PRRG1: variants seen among roughly 807,000 people sequenced by gnomAD.
PRRG1 encodes the protein proline rich and Gla domain 1.
PRRG1 carries 5 observed loss-of-function variants against 11.8 expected under a neutral mutation model. That is an observed-to-expected ratio of 0.42 (90% CI 0.22 to 0.89). The LOEUF is 0.89. PRRG1 is among the 40% of genes least tolerant of loss of function. The pLI is 0.28. For synonymous variants in PRRG1, 66 were observed against 60.4 expected (o/e 1.09, Z -0.43); for missense variants, 155 against 166.1 (o/e 0.93, Z 0.37).
At chrX:37,372,464 C>T (rs1159488084) in intron 1 of PRRG1, among the ~76,000 whole-genome samples, 2 of 111,518 alleles carry the variant, frequency 1.8e-5, no homozygotes, top group African/African-American at 6.5e-5. Context: ...CCACCATGCC[C>T]AGCTAATTTT....
chrX:37,449,933 G>C (rs940920430), intron 3 of PRRG1, among the ~76,000 whole-genome samples: 1 of 112,356 alleles, frequency 8.9e-6, no homozygotes, highest in Non-Finnish European at 1.9e-5. Context: ...GAAATTACTT[G>C]TTTGAATGAT....
rs782058436 is a variant in PRRG1, at chrX:37,363,433, G to T, written c.-42+14038G>T. Among the ~76,000 whole-genome samples, 13 of 112,294 alleles carry T rather than the reference G, an allele frequency of 1.2e-4. 1 individual carries two copies. Among genetic ancestry groups the T allele is most frequent in the African/African-American group, 3.9e-4 (12 of 30,872 alleles). ...TAGTGCTTGATGAATATTAACTAAA[G>T]GAATGAGAGGAGACTCTAAATTTGT... On this transcript the variant is annotated intron_variant, in intron 1 of 3. Transcript: ENST00000378628.
chrX:37,383,921 T>G (rs1308118031), intron 1 of PRRG1, among the ~76,000 whole-genome samples: 1 of 110,562 alleles, frequency 9.0e-6, no homozygotes, highest in Non-Finnish European at 1.9e-5. Flanking sequence ...ATTAACTTTT[T>G]AAACTGATTG....
rs1921244803 is a variant in PRRG1 at position 37,453,648 on chromosome X, C to T, written c.*27C>T. 2 of 1,134,426 alleles carry T rather than the reference C, an allele frequency of 1.8e-6. No homozygotes were observed. The highest frequency in any genetic ancestry group is 2.2e-5 in the South Asian group (1 of 44,857). The allele number at this position is 1,134,426 out of a possible 1,213,427, so 93.5% of individuals were successfully genotyped here. A position where few individuals can be genotyped will look rare whatever the true frequency, so the allele number is the denominator to read the frequency against. ...GCTGCAAACTTCTTTTTACTCTAAT[C>T]ATTTTTAAAATACTAATGGAAGAAC... On this transcript the variant is annotated 3_prime_UTR_variant, in exon 4 of 4. Transcript: ENST00000378628.
chrX:37,382,677 A>G (rs782114869), intron 1 of PRRG1, among the ~76,000 whole-genome samples: 2 of 107,710 alleles, frequency 1.9e-5, no homozygotes, highest in Admixed American at 2.0e-4. Context: ...CTGGAATAAC[A>G]TATGAGCTCA....
chrX:37,411,183 T>C lies in PRRG1; in HGVS notation c.10+4924T>C, dbSNP rs1377425466. On this transcript the variant is annotated intron_variant, in intron 2 of 3. Transcript: ENST00000378628. ...AAATACAGTATGTAAACATAGCATTTACATTGTATTAGGTTTTATAAGTAA... is the reference window on the plus strand; with the variant it reads ...AAATACAGTATGTAAACATAGCATTCACATTGTATTAGGTTTTATAAGTAA... Among the ~76,000 whole-genome samples, 4 of 111,968 alleles carry C rather than the reference T, an allele frequency of 3.6e-5. No individual in the cohort carries two copies. In the Admixed American group the frequency reaches 3.8e-4, roughly 11 times the overall value.
At chrX:37,426,573 C>A (rs1932776922) in intron 3 of PRRG1, among the ~76,000 whole-genome samples, 1 of 111,371 alleles carries the variant, frequency 9.0e-6, no homozygotes, top group Admixed American at 9.6e-5. Context: ...AAGATTCAGT[C>A]CTGGGCAGCA....
intron 1 of PRRG1, among the ~76,000 whole-genome samples, chrX:37,351,174 A>G (rs927042493): frequency 5.4e-5 from 6 of 111,756 alleles, no homozygotes; most frequent in Non-Finnish European, 1.1e-4. Context: ...ACTTACAGAT[A>G]TATATTAATA....
intron 1 of PRRG1, among the ~76,000 whole-genome samples, chrX:37,376,332 T>A (rs1930938859): frequency 9.5e-6 from 1 of 105,404 alleles, no homozygotes; most frequent in Admixed American, 1.0e-4. Flanking sequence ...ATCTTAGATA[T>A]TATGAATGCT....
At chrX:37,429,109 T>C (rs1438293716) in intron 3 of PRRG1, among the ~76,000 whole-genome samples, 1 of 111,993 alleles carries the variant, frequency 8.9e-6, no homozygotes, top group Non-Finnish European at 1.9e-5. Context: ...ATTTTTTCCT[T>C]CTGGACTTCC....
At chrX:37,400,361 G>A (rs375502572) in intron 1 of PRRG1, among the ~76,000 whole-genome samples, 29 of 109,245 alleles carry the variant, frequency 2.7e-4, no homozygotes, top group East Asian at 1.7e-3. Context: ...TGGAAACTGA[G>A]CAACCTGCTC....
chrX:37,359,095 C>T (rs1018921698), intron 1 of PRRG1, among the ~76,000 whole-genome samples: 3 of 111,670 alleles, frequency 2.7e-5, no homozygotes, highest in Non-Finnish European at 5.7e-5. Context: ...AGTTTTATTT[C>T]TTCCTTCCCA....
chrX:37,446,732 T>C (rs1346841822), intron 3 of PRRG1, among the ~76,000 whole-genome samples: 1 of 111,817 alleles, frequency 8.9e-6, no homozygotes, highest in Non-Finnish European at 1.9e-5. Context: ...ATGGGGCTAG[T>C]ATCTGCTCAG....
chrX:37,371,258 C>A (rs1300897714), intron 1 of PRRG1, among the ~76,000 whole-genome samples: 1 of 112,014 alleles, frequency 8.9e-6, no homozygotes, highest in Non-Finnish European at 1.9e-5. Context: ...TCCAGGGTGT[C>A]CTCTCTGCTG....
chrX:37,409,495 G>A (rs1339645296), intron 2 of PRRG1, among the ~76,000 whole-genome samples: 1 of 112,462 alleles, frequency 8.9e-6, no homozygotes. Flanking sequence ...TGAGATAAGG[G>A]AAGTGCTTCA....
Position 37,454,734 on chromosome X carries a change from C to G in PRRG1, c.*1113C>G, listed in dbSNP as rs1291737426. On this transcript the variant is annotated 3_prime_UTR_variant, in exon 4 of 4. Coordinates refer to ENST00000378628, the MANE Select transcript of PRRG1 (RefSeq NM_001142395.2). ...TGCAAAGTCCATGTTATGCTAGGTG[C>G]ACAATAAATCTAGTAATAGCCCCAC... 2.7e-5 allele frequency: 3 copies of G among 111,722 alleles called. No homozygotes were observed. Among genetic ancestry groups the G allele is most frequent in the African/African-American group, 9.8e-5 (3 of 30,657 alleles). The allele number at this position is 111,722 out of a possible 1,213,427, so 9.2% of individuals were successfully genotyped here.
intron 1 of PRRG1, among the ~76,000 whole-genome samples, chrX:37,397,309 A>G (rs782413971): frequency 1.6e-4 from 18 of 112,744 alleles, no homozygotes; most frequent in African/African-American, 5.8e-4. Context: ...CAGATACATT[A>G]AACACAACTC....
At chrX:37,360,716 C>T (rs1464303806) in intron 1 of PRRG1, among the ~76,000 whole-genome samples, 1 of 112,380 alleles carries the variant, frequency 8.9e-6, no homozygotes, top group Non-Finnish European at 1.9e-5. Context: ...CATTTCCTTA[C>T]TGATTGTCTT....
At chrX:37,439,960 C>T (rs782611314) in intron 3 of PRRG1, among the ~76,000 whole-genome samples, 3 of 108,969 alleles carry the variant, frequency 2.8e-5, no homozygotes, top group African/African-American at 1.0e-4. Flanking sequence ...CCACCATGCC[C>T]GGCTAATTTT....
Sources: allele counts gnomAD v4.1 joint callset (sites outside exome capture counted in the v4.1 genomes callset), GRCh38; gene constraint gnomAD v4.1.1; transcripts MANE v1.5; gene names NCBI Gene and HGNC (gene_info 2026-07-23, HGNC 2026-07-21).